Variants in CLSTN1 observed in about 807,000 individuals in gnomAD.
The protein encoded by CLSTN1 is calsyntenin-1.
In CLSTN1, 28 loss-of-function variants were observed where a neutral mutation model predicts 108.3. The observed-to-expected ratio is 0.26, with a 90% CI of 0.19 to 0.35. CLSTN1 has a LOEUF of 0.35. CLSTN1 is among the 10% of genes least tolerant of loss of function. The pLI is 1.00. For missense variants in CLSTN1, 1,157 were observed against 1,302.6 expected (o/e 0.89, Z 1.72); for synonymous variants, 524 against 534.9 (o/e 0.98, Z 0.28).
At chr1:9,743,800 C>T (rs1277666489) in intron 9 of CLSTN1, 84 bp downstream of exon 9, 2 of 1,522,854 alleles carry the variant, frequency 1.3e-6, no homozygotes, top group Admixed American at 3.5e-5. Flanking sequence ...TCAAGCAATC[C>T]TCGTGCCCCA....
intron 11 of CLSTN1, among the ~76,000 whole-genome samples, chr1:9,736,597 G>A (rs1650703126): frequency 6.6e-6 from 1 of 152,218 alleles, no homozygotes; most frequent in Non-Finnish European, 1.5e-5. Flanking sequence ...AAGTGCAGAT[G>A]TTACAACGAA....
At chr1:9,798,899 C>T (rs1297087541) in intron 1 of CLSTN1, among the ~76,000 whole-genome samples, 1 of 152,154 alleles carries the variant, frequency 6.6e-6, no homozygotes, top group Non-Finnish European at 1.5e-5. Context: ...TGGAGACAGG[C>T]TGCGTGTGAT....
chr1:9,756,415 C>T, intron 3 of CLSTN1, 66 bp downstream of exon 3: 1 of 1,360,978 alleles, frequency 7.3e-7, no homozygotes, highest in South Asian at 1.2e-5. Flanking sequence ...AGGGCTGATT[C>T]CCAATTTTAT....
At chr1:9,766,178 T>C (rs1652320441) in intron 2 of CLSTN1, among the ~76,000 whole-genome samples, 1 of 152,122 alleles carries the variant, frequency 6.6e-6, no homozygotes, top group Non-Finnish European at 1.5e-5. Context: ...ACATCCATAC[T>C]TAATCTGGAA....
rs1285667488 is a variant in CLSTN1 at position 9,730,869 on chromosome 1, G to A, written c.2749-164C>T. Among the ~76,000 whole-genome samples, 1 of 152,144 alleles carries A rather than the reference G, an allele frequency of 6.6e-6. No individual in the cohort carries two copies. Among genetic ancestry groups the A allele is most frequent in the Non-Finnish European group, 1.5e-5 (1 of 68,036 alleles). Reference sequence around the variant, plus strand: ...CACCGGAAGTTATATTAGAAGTGAAGGGAAAACAAAGCTCCAGTCAGCACC... The same window carrying A: ...CACCGGAAGTTATATTAGAAGTGAAAGGAAAACAAAGCTCCAGTCAGCACC... On this transcript the variant is annotated intron_variant, in intron 18 of 18. Coordinates refer to ENST00000377298, the MANE Select transcript of CLSTN1 (RefSeq NM_001009566.3). The surrounding 1 kb of genome is among the most constrained non-coding windows in gnomAD (Gnocchi z 5.6).
In CLSTN1 at chr1:9,731,769, G is replaced by T; in HGVS notation, c.2555C>A (p.Pro852Gln). 1 of 1,614,232 alleles carries T rather than the reference G, an allele frequency of 6.2e-7. No homozygotes were observed. The highest frequency in any genetic ancestry group is 8.5e-7 in the Non-Finnish European group (1 of 1,180,044). Reference sequence around the variant, plus strand: ...CCCTCCCCATGTCCTACCTGCGAACGGGTGGGGGTTGGCCAGGTTGTGGCC... The same window carrying T: ...CCCTCCCCATGTCCTACCTGCGAACTGGTGGGGGTTGGCCAGGTTGTGGCC... Reference protein sequence around the residue: ...LSGHNLANPHPFAVVPSTATV... With the variant: ...LSGHNLANPHQFAVVPSTATV... The change falls in exon 17 of 19, where the codon CCG becomes CAG. Residue 852 changes from proline to glutamine, a missense_variant. Coordinates refer to ENST00000377298, the MANE Select transcript of CLSTN1 (RefSeq NM_001009566.3).
intron 1 of CLSTN1, among the ~76,000 whole-genome samples, chr1:9,818,775 CTCTTT>C (rs1655080738): frequency 1.4e-5 from 2 of 138,826 alleles, no homozygotes; most frequent in South Asian, 2.3e-4. Flanking sequence ...CTTCAAGCAA[CTCTTT>C]TTTTTTTTTT....
chr1:9,759,797 A>T (rs1394108007), intron 2 of CLSTN1, among the ~76,000 whole-genome samples: 1 of 152,230 alleles, frequency 6.6e-6, no homozygotes, highest in Non-Finnish European at 1.5e-5. Context: ...ACCCACGAGT[A>T]AAACTGCCTG....
At chr1:9,817,047 C>G (rs1290139164) in intron 1 of CLSTN1, among the ~76,000 whole-genome samples, 1 of 152,176 alleles carries the variant, frequency 6.6e-6, no homozygotes, top group Non-Finnish European at 1.5e-5. Flanking sequence ...ATGGGAGAAT[C>G]AGACAGAACG....
intron 5 of CLSTN1, 106 bp from the exon 6 acceptor site, chr1:9,750,019 C>G: frequency 1.1e-6 from 1 of 893,884 alleles, no homozygotes; most frequent in South Asian, 1.7e-5. Flanking sequence ...CCTGTAAATA[C>G]TCAGCCAGAA....
chr1:9,766,614 C>G (rs986504472), intron 2 of CLSTN1, among the ~76,000 whole-genome samples: 6 of 152,080 alleles, frequency 3.9e-5, no homozygotes, highest in Non-Finnish European at 1.5e-5. Context: ...GAGCCGAGAT[C>G]GCGCCACTGC....
chr1:9,755,896 C>T (rs1225433438), intron 3 of CLSTN1, among the ~76,000 whole-genome samples: 1 of 151,990 alleles, frequency 6.6e-6, no homozygotes, highest in Non-Finnish European at 1.5e-5. Context: ...GTAGAAATAC[C>T]GACTCGTCAG....
chr1:9,782,945 T>G (rs1653317189), intron 1 of CLSTN1, among the ~76,000 whole-genome samples: 1 of 152,212 alleles, frequency 6.6e-6, no homozygotes, highest in Non-Finnish European at 1.5e-5. Flanking sequence ...AGGCGGAGGC[T>G]GCAGTAAGCT....
chr1:9,799,607 C>T (rs901886036), intron 1 of CLSTN1, among the ~76,000 whole-genome samples: 1 of 150,608 alleles, frequency 6.6e-6, no homozygotes, highest in African/African-American at 2.5e-5. Context: ...CGCCACTGCA[C>T]TCCAGCCTGG....
intron 1 of CLSTN1, among the ~76,000 whole-genome samples, chr1:9,804,637 G>C (rs1654429449): frequency 6.6e-6 from 1 of 152,210 alleles, no homozygotes; most frequent in Middle Eastern, 3.4e-3. Context: ...TTGAGCCCAG[G>C]ATTTTGAGAC....
At chr1:9,783,363 G>C (rs2101196081) in intron 1 of CLSTN1, among the ~76,000 whole-genome samples, 1 of 151,964 alleles carries the variant, frequency 6.6e-6, no homozygotes, top group African/African-American at 2.4e-5. Flanking sequence ...AGGATTGCTT[G>C]AGCCTAGAAG....
intron 1 of CLSTN1, among the ~76,000 whole-genome samples, chr1:9,814,520 G>A (rs1024362030): frequency 6.6e-6 from 1 of 152,206 alleles, no homozygotes; most frequent in Non-Finnish European, 1.5e-5. Context: ...TTGGGTAATT[G>A]AGGAATAGTT....
chr1:9,792,084 G>T lies in CLSTN1; in HGVS notation c.92-18690C>A, dbSNP rs193211243. 1.1e-3 allele frequency among the ~76,000 whole-genome samples: 169 copies of T among 150,930 alleles called. 8 individuals carry two copies. The highest frequency in any genetic ancestry group is 9.6e-3 in the Admixed American group (142 of 14,816). On this transcript the variant is annotated intron_variant, in intron 1 of 18. Coordinates refer to ENST00000377298, the MANE Select transcript of CLSTN1 (RefSeq NM_001009566.3). The stretch of plus-strand genomic sequence containing the variant: ...GAATCATTTGCTACTCAGGAGGCTG[G>T]GGCAGGAGAATCATTTGAACCTGCG...
Position 9,773,338 on chromosome 1 carries a change from C to T in CLSTN1, c.148G>A (p.Asp50Asn), listed in dbSNP as rs748077184. The change falls in exon 2 of 19, where the codon GAC becomes AAC. Residue 50 changes from aspartate to asparagine, a missense_variant. Asp to Asn is a conservative substitution (Grantham distance 23). Transcript: ENST00000377298. Reference protein sequence around the residue: ...PTYHGIVTENDNTVLLDPPLI... With the variant: ...PTYHGIVTENNNTVLLDPPLI... ...GGGGGGTCGAGGAGCACGGTGTTGTCGTTCTCTGTGACTATGCCGTGGTAG... is the reference window on the plus strand; with the variant it reads ...GGGGGGTCGAGGAGCACGGTGTTGTTGTTCTCTGTGACTATGCCGTGGTAG... The T allele has an allele frequency of 5.6e-6, 9 of 1,614,126 alleles. No individual in the cohort carries two copies. The Admixed American group carries it at 8.3e-5, about 15-fold the overall frequency.
Sources: gnomAD v4.1 joint callset for allele counts (sites outside exome capture counted in the v4.1 genomes callset) on GRCh38, gnomAD v4.1.1 for gene constraint, Gnocchi (gnomAD v3.1) non-coding constraint, MANE v1.5 for transcripts, NCBI Gene and HGNC (gene_info 2026-07-23, HGNC 2026-07-21) for gene names.